The following STX8 variants were observed in gnomAD, a reference collection of about 807,000 sequenced individuals.
STX8 encodes the protein syntaxin 8, also known as syntaxin-8.
Under a neutral mutation model 37.5 loss-of-function variants are expected in STX8, and 23 were observed. The ratio of observed to expected loss-of-function variants is 0.61; its 90% CI spans 0.44 to 0.87. The LOEUF (loss-of-function observed/expected upper bound fraction) is 0.87, where lower values mean the gene tolerates loss of function less well. Among genes scored for constraint, STX8 ranks in the 40% least tolerant of loss-of-function variants. STX8 has a pLI of 0.00. For synonymous variants in STX8, 115 were observed against 99.1 expected (o/e 1.16, Z -0.95); for missense variants, 313 against 284.7 (o/e 1.10, Z -0.71).
chr17:9,438,479 GCA>G (rs1904523722), intron 6 of STX8, among the ~76,000 whole-genome samples: 1 of 151,986 alleles, frequency 6.6e-6, no homozygotes, highest in African/African-American at 2.4e-5. Flanking sequence ...TAATTCATTG[GCA>G]CACTAAGGTT....
chr17:9,462,093 C>T (rs1328349127), intron 6 of STX8, among the ~76,000 whole-genome samples: 2 of 152,122 alleles, frequency 1.3e-5, no homozygotes, highest in African/African-American at 4.8e-5. Context: ...AACCTGGTTC[C>T]TAGCAGGCCA....
rs571792978 is a variant in STX8 at position 9,319,966 on chromosome 17, A to G, written c.643+58586T>C. On this transcript the variant is annotated intron_variant, in intron 7 of 7. Coordinates refer to ENST00000306357, the MANE Select transcript of STX8 (RefSeq NM_004853.3). ...GTCCATCTCAAAAATAAATAAATAA[A>G]TAAATAAAATAAAATAAAAGCAAAC... Among the ~76,000 whole-genome samples the G allele has an allele frequency of 3.3e-5, 5 of 152,062 alleles. No individual in the cohort carries two copies. In the South Asian group the frequency reaches 8.3e-4, roughly 25 times the overall value.
chr17:9,280,126 G>C (rs1006845247), intron 7 of STX8, among the ~76,000 whole-genome samples: 2 of 152,148 alleles, frequency 1.3e-5, no homozygotes, highest in African/African-American at 4.8e-5. Context: ...AGGCAGGGGT[G>C]GGAGAATTGC....
At chr17:9,463,533 G>A (rs745781191) in intron 6 of STX8, among the ~76,000 whole-genome samples, 1 of 152,170 alleles carries the variant, frequency 6.6e-6, no homozygotes, top group African/African-American at 2.4e-5. Context: ...GGGAGGCTGA[G>A]GCAGGTGGAT....
At chr17:9,521,930 C>T (rs1339235321) in intron 4 of STX8, among the ~76,000 whole-genome samples, 1 of 152,010 alleles carries the variant, frequency 6.6e-6, no homozygotes, top group African/African-American at 2.4e-5. Flanking sequence ...CTATTTTTTC[C>T]TATTCATTGC....
At chr17:9,304,136 C>T (rs8076161) in intron 7 of STX8, among the ~76,000 whole-genome samples, 35,439 of 151,776 alleles carry the variant, frequency 0.23, 5,485 homozygotes, top group African/African-American at 0.44. Flanking sequence ...AGAACATCAA[C>T]AGACTGTTAA....
intron 6 of STX8, among the ~76,000 whole-genome samples, chr17:9,474,777 C>A (rs1906030346): frequency 6.6e-6 from 1 of 152,192 alleles, no homozygotes; most frequent in Non-Finnish European, 1.5e-5. Flanking sequence ...TCGAGACCAT[C>A]CTGGCTAACA....
intron 6 of STX8, among the ~76,000 whole-genome samples, chr17:9,459,738 A>G (rs2142416892): frequency 6.6e-6 from 1 of 152,312 alleles, no homozygotes; most frequent in South Asian, 2.1e-4. Context: ...GATGGTCTCC[A>G]TCTCCTGACC....
At chr17:9,544,874 A>G (rs1273048114) in intron 4 of STX8, among the ~76,000 whole-genome samples, 3 of 152,034 alleles carry the variant, frequency 2.0e-5, no homozygotes, top group Non-Finnish European at 4.4e-5. Flanking sequence ...GGGCGCCTGT[A>G]ATCCCAACTA....
chr17:9,259,415 A>T (rs1309205234), intron 7 of STX8, among the ~76,000 whole-genome samples: 1 of 152,184 alleles, frequency 6.6e-6, no homozygotes, highest in Admixed American at 6.5e-5. Flanking sequence ...TAACAACAGA[A>T]ATCAAATGTC....
chr17:9,510,965 G>C lies in STX8; in HGVS notation c.324-5803C>G, dbSNP rs371995642. Among the ~76,000 whole-genome samples, 3 of 152,054 alleles carry C rather than the reference G, an allele frequency of 2.0e-5. No individual in the cohort carries two copies. The South Asian group carries it at 6.2e-4, about 32-fold the overall frequency. On this transcript the variant is annotated intron_variant, in intron 4 of 7. Transcript: ENST00000306357. ...CACAGAAATACAAAGAATCATTACAGGATACTACAAACAACTCTACACCAA... is the reference window on the plus strand; with the variant it reads ...CACAGAAATACAAAGAATCATTACACGATACTACAAACAACTCTACACCAA...
intron 7 of STX8, among the ~76,000 whole-genome samples, chr17:9,270,274 T>C (rs1907402115): frequency 6.6e-6 from 1 of 152,242 alleles, no homozygotes; most frequent in African/African-American, 2.4e-5. Context: ...AGATGGAGTC[T>C]CGCTCTGTCG....
chr17:9,448,510 G>C (rs1904931248), intron 6 of STX8, among the ~76,000 whole-genome samples: 2 of 152,196 alleles, frequency 1.3e-5, no homozygotes, highest in Non-Finnish European at 2.9e-5. Context: ...AGTGCCGTTT[G>C]GCGTTCCTAA....
rs1484340836 is a variant in STX8, at chr17:9,491,842, C to G, written c.528G>C (p.Leu176Phe). The change falls in exon 6 of 8, where the codon TTG becomes TTC. Residue 176 changes from leucine (L) to phenylalanine (F), a missense_variant. Physicochemically the swap from Leu to Phe is conservative, Grantham distance 22 (BLOSUM62 0). Coordinates refer to ENST00000306357, the MANE Select transcript of STX8 (RefSeq NM_004853.3). ...ACTTATTCTTACCATTTTGTTCATC[C>G]AATTCATTCCCAATTTCCTGCCCCA... Reference protein sequence around the residue: ...KQMGQEIGNELDEQNEIIDDL... With the variant: ...KQMGQEIGNEFDEQNEIIDDL... 2 of 1,613,830 alleles carry G rather than the reference C, an allele frequency of 1.2e-6. No individual in the cohort carries two copies. Among genetic ancestry groups the G allele is most frequent in the African/African-American group, 1.3e-5 (1 of 75,054 alleles).
At chr17:9,308,663 C>T (rs949728505) in intron 7 of STX8, among the ~76,000 whole-genome samples, 35 of 139,486 alleles carry the variant, frequency 2.5e-4, no homozygotes, top group African/African-American at 9.5e-4. Flanking sequence ...GCAGAGGTTG[C>T]AGTGAGCCGA....
At chr17:9,303,855 G>T (rs1908868034) in intron 7 of STX8, among the ~76,000 whole-genome samples, 1 of 152,022 alleles carries the variant, frequency 6.6e-6, no homozygotes, top group East Asian at 1.9e-4. Context: ...AAAAATCCAT[G>T]AAATAATTCC....
chr17:9,259,825 C>T (rs967594779), intron 7 of STX8, among the ~76,000 whole-genome samples: 7 of 152,104 alleles, frequency 4.6e-5, no homozygotes, highest in South Asian at 4.1e-4. Flanking sequence ...CATTCAGCTA[C>T]GCGGGAGAAA....
chr17:9,287,517 T>A (rs1440694449), intron 7 of STX8, among the ~76,000 whole-genome samples: 1 of 152,154 alleles, frequency 6.6e-6, no homozygotes, highest in Non-Finnish European at 1.5e-5. Flanking sequence ...AAGCTGGCTG[T>A]CCCCTCTTCC....
chr17:9,365,009 TGAG>T (rs1045600473), intron 7 of STX8, among the ~76,000 whole-genome samples: 1 of 151,960 alleles, frequency 6.6e-6, no homozygotes, highest in African/African-American at 2.4e-5. Context: ...GAGAAAGTGA[TGAG>T]GAGAAGAGAA....
Sources: gnomAD v4.1 joint callset for allele counts (sites outside exome capture counted in the v4.1 genomes callset) on GRCh38, gnomAD v4.1.1 for gene constraint, MANE v1.5 for transcripts, NCBI Gene and HGNC (gene_info 2026-07-23, HGNC 2026-07-21) for gene names.